The following CFAP43 variants were observed in gnomAD, a reference collection of about 807,000 sequenced individuals.
The protein encoded by CFAP43 is cilia- and flagella-associated protein 43.
Under a neutral mutation model 218.9 loss-of-function variants are expected in CFAP43, and 155 were observed. The ratio of observed to expected loss-of-function variants is 0.71; its 90% CI spans 0.62 to 0.81. The LOEUF (loss-of-function observed/expected upper bound fraction) is 0.81, where lower values mean the gene tolerates loss of function less well. Among genes scored for constraint, CFAP43 ranks in the 30% least tolerant of loss-of-function variants. CFAP43 has a pLI of 0.00. For missense variants in CFAP43, 1,778 were observed against 1,954.3 expected (o/e 0.91, Z 1.70); for synonymous variants, 645 against 681.3 (o/e 0.95, Z 0.83).
At chr10:104,212,298 T>C in intron 4 of CFAP43, 141 bp from the exon 5 acceptor site, 2 of 744,486 alleles carry the variant, frequency 2.7e-6, no homozygotes, top group Non-Finnish European at 4.0e-6. Flanking sequence ...AAATGATAGA[T>C]TTAAAAATAT....
chr10:104,198,994 T>C (rs2090456613), intron 8 of CFAP43, among the ~76,000 whole-genome samples: 1 of 152,184 alleles, frequency 6.6e-6, no homozygotes, highest in Non-Finnish European at 1.5e-5. Flanking sequence ...AACAAAACAT[T>C]TTTTCCTGTT....
In CFAP43 at chr10:104,152,738, A is replaced by T; in HGVS notation, c.3541-12T>A. On this transcript the variant is annotated splice_polypyrimidine_tract_variant and intron_variant, in intron 27 of 37. Coordinates refer to ENST00000357060, the MANE Select transcript of CFAP43 (RefSeq NM_025145.7). Reference sequence around the variant, plus strand: ...TCTGCTTCTAATGACTAAAAGGAAAACAATAGTAAAGTTAACGTTTAAGAG... The same window carrying T: ...TCTGCTTCTAATGACTAAAAGGAAATCAATAGTAAAGTTAACGTTTAAGAG... 6.2e-7 allele frequency: 1 copy of T among 1,602,514 alleles called. No homozygotes were observed. The highest frequency in any genetic ancestry group is 8.5e-7 in the Non-Finnish European group (1 of 1,177,082).
At position 104,130,814 on chromosome 10, in the gene CFAP43, A is replaced by G. The variant is rs544222523; in HGVS notation, c.4832-509T>C. On this transcript the variant is annotated intron_variant, in intron 37 of 37. Coordinates refer to ENST00000357060, the MANE Select transcript of CFAP43 (RefSeq NM_025145.7). The stretch of plus-strand genomic sequence containing the variant: ...GGAGTTCGAGGCCAGCCTGGCCAAC[A>G]TGGCAAAACCTACTCTCTACAAAAC... Among the ~76,000 whole-genome samples, 42 of 152,050 alleles carry G rather than the reference A, an allele frequency of 2.8e-4. No homozygotes were observed. The East Asian group carries it at 7.8e-3, about 28-fold the overall frequency.
chr10:104,161,628 G>A (rs1039829330), intron 26 of CFAP43, among the ~76,000 whole-genome samples: 16 of 152,168 alleles, frequency 1.1e-4, no homozygotes, highest in African/African-American at 3.9e-4. Context: ...TCTGTCTAAC[G>A]TGGTATGTTT....
chr10:104,209,754 G>C (rs2090796501), intron 5 of CFAP43, among the ~76,000 whole-genome samples: 1 of 152,142 alleles, frequency 6.6e-6, no homozygotes, highest in Non-Finnish European at 1.5e-5. Flanking sequence ...TGCAAACCTT[G>C]ATGGCTGATC....
intron 2 of CFAP43, among the ~76,000 whole-genome samples, chr10:104,229,640 G>C (rs955555107): frequency 6.6e-6 from 1 of 152,070 alleles, no homozygotes; most frequent in Non-Finnish European, 1.5e-5. Flanking sequence ...CTCCAGCCTG[G>C]GTGATAGAGC....
At chr10:104,202,401 T>C (rs996672459) in intron 8 of CFAP43, among the ~76,000 whole-genome samples, 1 of 152,212 alleles carries the variant, frequency 6.6e-6, no homozygotes, top group Non-Finnish European at 1.5e-5. Flanking sequence ...ACTGGACCTC[T>C]TAAATCTGTA....
intron 33 of CFAP43, 107 bp from the exon 34 acceptor site, chr10:104,141,108 T>A (rs1044023046): frequency 1.7e-6 from 2 of 1,151,122 alleles, no homozygotes; most frequent in Non-Finnish European, 1.2e-6. Flanking sequence ...ATGCTGGAGA[T>A]TAGTGTGGAG....
chr10:104,207,082 G>A (rs111402473), intron 6 of CFAP43, among the ~76,000 whole-genome samples: 1,762 of 152,124 alleles, frequency 0.012, 26 homozygotes, highest in African/African-American at 0.036. Flanking sequence ...GCTGAGACAC[G>A]AGATCGCTTG....
intron 21 of CFAP43, 87 bp from the exon 22 acceptor site, chr10:104,167,824 T>C (rs2089239192): frequency 1.1e-6 from 1 of 947,942 alleles, no homozygotes; most frequent in Non-Finnish European, 1.6e-6. Flanking sequence ...TTTTCTGTGA[T>C]TAAAATTAAC....
At chr10:104,189,910 G>A (rs1422929519) in intron 12 of CFAP43, among the ~76,000 whole-genome samples, 1 of 152,130 alleles carries the variant, frequency 6.6e-6, no homozygotes, top group Non-Finnish European at 1.5e-5. Flanking sequence ...GCTCACGCCT[G>A]TAATCCCAGC....
chr10:104,206,183 T>C, intron 6 of CFAP43, 153 bp from the exon 7 acceptor site: 1 of 629,228 alleles, frequency 1.6e-6, no homozygotes, highest in Non-Finnish European at 2.7e-6. Context: ...AGATGCTAGA[T>C]TAGAGAGAGG....
intron 17 of CFAP43, among the ~76,000 whole-genome samples, chr10:104,180,588 G>GGTGC (rs1260595020): frequency 2.6e-5 from 4 of 151,814 alleles, no homozygotes; most frequent in East Asian, 3.9e-4. Flanking sequence ...TGGGACTACA[G>GGTGC]GTGCGTGCCA....
chr10:104,221,442 T>C (rs2091178762), intron 3 of CFAP43, among the ~76,000 whole-genome samples: 2 of 152,154 alleles, frequency 1.3e-5, no homozygotes, highest in Admixed American at 1.3e-4. Flanking sequence ...ATGGTTGAGA[T>C]AAGTGTCCTT....
At chr10:104,182,302 C>T (rs761710550) in intron 17 of CFAP43, 64 bp downstream of exon 17, 118 of 1,451,344 alleles carry the variant, frequency 8.1e-5, no homozygotes, top group Middle Eastern at 1.8e-4. Context: ...AACCACAAAC[C>T]GAAAACTTCT....
Position 104,179,043 on chromosome 10 carries a change from A to G in CFAP43, c.2446T>C (p.Ser816Pro), listed in dbSNP as rs1248045674. Residue 816 changes from serine (S) to proline (P), a missense_variant, in exon 19 of 38, where the codon TCA becomes CCA. Physicochemically the swap from Ser to Pro is moderately conservative, Grantham distance 74. This residue lies in a region of CFAP43 where 1,553 missense variants were observed against 1,685.2 expected (regional missense o/e 0.92). Coordinates refer to ENST00000357060, the MANE Select transcript of CFAP43 (RefSeq NM_025145.7). Reference protein sequence around the residue: ...KRKEIKQGIKSLSKTILNMME... With the variant: ...KRKEIKQGIKPLSKTILNMME... ...ACAACACTTACAGTTTTGGAAAGTG[A>G]TTTGATTCCTTGTTTTATCTCTTTC... is the stretch of plus-strand genomic sequence containing the variant. The G allele has an allele frequency of 8.7e-6, 14 of 1,612,734 alleles. No homozygotes were observed. The highest frequency in any genetic ancestry group is 1.2e-5 in the Non-Finnish European group (14 of 1,179,198).
At chr10:104,229,124 T>C (rs1379422429) in intron 2 of CFAP43, among the ~76,000 whole-genome samples, 1 of 152,232 alleles carries the variant, frequency 6.6e-6, no homozygotes, top group Non-Finnish European at 1.5e-5. Context: ...GAATGGGTTA[T>C]GTTTTGAAAA....
chr10:104,153,148 T>C (rs979697027), intron 27 of CFAP43, among the ~76,000 whole-genome samples: 9 of 152,210 alleles, frequency 5.9e-5, no homozygotes, highest in African/African-American at 1.7e-4. Flanking sequence ...AAATAAGAAG[T>C]GAATGCACAT....
At chr10:104,193,582 A>C (rs938340237) in intron 11 of CFAP43, 2 of 330,054 alleles carry the variant, frequency 6.1e-6, no homozygotes, top group Non-Finnish European at 1.1e-5. Context: ...CCATTGATAC[A>C]AGTAAAAAGA....
Sources: allele counts gnomAD v4.1 joint callset (sites outside exome capture counted in the v4.1 genomes callset), GRCh38; gene constraint gnomAD v4.1.1; regional missense constraint gnomAD v4.1.1; transcripts MANE v1.5; gene names NCBI Gene and HGNC (gene_info 2026-07-23, HGNC 2026-07-21).